The following UBE2D3 variants were observed in gnomAD, a reference collection of about 807,000 sequenced individuals.
UBE2D3 encodes the protein ubiquitin conjugating enzyme E2 D3.
A neutral mutation model predicts 22.8 loss-of-function variants in UBE2D3; 2 were observed. The observed-to-expected ratio is 0.09, with a 90% CI of 0.04 to 0.28. The LOEUF is 0.28. UBE2D3 is among the 10% of genes least tolerant of loss of function. UBE2D3 has a pLI of 1.00. For synonymous variants in UBE2D3, 56 were observed against 60.4 expected, an observed-to-expected ratio of 0.93 and a Z score of 0.34; for missense variants, 27 against 182.5, an observed-to-expected ratio of 0.15 and a Z score of 4.91.
chr4:102,820,439 T>A (rs223400), intron 2 of UBE2D3, among the ~76,000 whole-genome samples: 88,574 of 152,016 alleles, frequency 0.58, 27,341 homozygotes, highest in African/African-American at 0.8. Context: ...TATCTTAAGG[T>A]TTAACAGTAG....
At chr4:102,838,146 C>T (rs1171455557) in intron 1 of UBE2D3, among the ~76,000 whole-genome samples, 3 of 152,068 alleles carry the variant, frequency 2.0e-5, no homozygotes, top group Non-Finnish European at 2.9e-5. Context: ...TTGTTTTAGA[C>T]ATAATGCTAT....
rs546208831 is a variant in UBE2D3, at chr4:102,847,999, A to G, written c.-129+20716T>C. Among the ~76,000 whole-genome samples, 10 of 152,290 alleles carry G rather than the reference A, an allele frequency of 6.6e-5. No homozygotes were observed. The South Asian group carries it at 8.3e-4, about 13-fold the overall frequency. ...AACGCTAAGCATGTGGGAATTATTT[A>G]TAGCCTACTGCTCAAGGTCATCGCC... is the stretch of plus-strand genomic sequence containing the variant. On this transcript the variant is annotated intron_variant, in intron 1 of 7. Transcript: ENST00000338145.
rs182142089 is a variant in UBE2D3 at position 102,798,174 on chromosome 4, C to T, written c.399-714G>A. Among the ~76,000 whole-genome samples, 89 of 150,668 alleles carry T rather than the reference C, an allele frequency of 5.9e-4. 1 individual carries two copies. Among genetic ancestry groups the T allele is most frequent in the African/African-American group, 2.2e-3 (89 of 40,886 alleles). ...TTCACACACAAGCAAGGTTATTACT[C>T]AGGAAGACTACTAACATTGATAAAT... On this transcript the variant is annotated intron_variant, in intron 7 of 7. Coordinates refer to ENST00000453744, the MANE Select transcript of UBE2D3 (RefSeq NM_181891.3).
At chr4:102,837,626 A>T (rs1731481133) in intron 1 of UBE2D3, among the ~76,000 whole-genome samples, 1 of 151,312 alleles carries the variant, frequency 6.6e-6, no homozygotes, top group South Asian at 2.1e-4. Context: ...AGTTTGAGAC[A>T]AGCTTAGGCA....
At chr4:102,853,135 A>ACCTT (rs752835398) in intron 1 of UBE2D3, among the ~76,000 whole-genome samples, 1 of 88,598 alleles carries the variant, frequency 1.1e-5, no homozygotes, top group Non-Finnish European at 2.1e-5. Context: ...AAACACACAC[A>ACCTT]TTTTTTTTTT....
intron 4 of UBE2D3, among the ~76,000 whole-genome samples, chr4:102,806,845 C>CA (rs1355212245): frequency 6.6e-6 from 1 of 151,938 alleles, no homozygotes; most frequent in Non-Finnish European, 1.5e-5. Context: ...CCCCCCTCCC[C>CA]AAAAAAACCC....
At chr4:102,803,443 G>A (rs1726519959) in intron 4 of UBE2D3, among the ~76,000 whole-genome samples, 1 of 152,134 alleles carries the variant, frequency 6.6e-6, no homozygotes, top group Non-Finnish European at 1.5e-5. Context: ...AGCTATATAT[G>A]AGCCTTTCAC....
intron 7 of UBE2D3, 119 bp from the exon 8 acceptor site, chr4:102,797,579 TATG>T: frequency 1.4e-6 from 1 of 691,470 alleles, no homozygotes; most frequent in East Asian, 3.1e-5. Context: ...CTCTAATGAC[TATG>T]ATTAGAATAA....
chr4:102,849,943 A>AT (rs1161704153), intron 1 of UBE2D3, among the ~76,000 whole-genome samples: 1 of 152,210 alleles, frequency 6.6e-6, no homozygotes, highest in African/African-American at 2.4e-5. Flanking sequence ...AATCCTAAGT[A>AT]TATACTCAAC....
chr4:102,799,838 G>GC (rs1491465122), intron 6 of UBE2D3, among the ~76,000 whole-genome samples: 3 of 145,192 alleles, frequency 2.1e-5, no homozygotes, highest in African/African-American at 5.1e-5. Flanking sequence ...TGGCTGGGGG[G>GC]GGGGGGACTT....
chr4:102,831,745 G>A (rs1232867803), upstream of UBE2D3, among the ~76,000 whole-genome samples: 1 of 152,106 alleles, frequency 6.6e-6, no homozygotes, highest in African/African-American at 2.4e-5. Flanking sequence ...TACAAACACA[G>A]GTTAAAAAAA....
intron 1 of UBE2D3, among the ~76,000 whole-genome samples, chr4:102,859,163 G>A (rs888859760): frequency 1.3e-5 from 2 of 151,882 alleles, no homozygotes; most frequent in African/African-American, 4.8e-5. Flanking sequence ...TTTTCTGAAT[G>A]ACAGCTTTGT....
At chr4:102,824,706 T>C (rs1730185978) in intron 2 of UBE2D3, among the ~76,000 whole-genome samples, 1 of 152,248 alleles carries the variant, frequency 6.6e-6, no homozygotes, top group African/African-American at 2.4e-5. Flanking sequence ...CTTTAACGTG[T>C]TCTGTTCCAC....
intron 1 of UBE2D3, among the ~76,000 whole-genome samples, chr4:102,844,987 A>C (rs944452380): frequency 6.9e-6 from 1 of 144,746 alleles, no homozygotes; most frequent in Admixed American, 7.2e-5. Flanking sequence ...GCGCCACTGC[A>C]CTCCAGCCTG....
At chr4:102,841,603 A>G (rs1166781048) in intron 1 of UBE2D3, among the ~76,000 whole-genome samples, 2 of 152,216 alleles carry the variant, frequency 1.3e-5, no homozygotes, top group Admixed American at 6.5e-5. Context: ...ATACATTTTA[A>G]AAGATTTTCA....
At chr4:102,808,526 TTA>T (rs1396208874) in intron 4 of UBE2D3, among the ~76,000 whole-genome samples, 1 of 152,180 alleles carries the variant, frequency 6.6e-6, no homozygotes, top group Non-Finnish European at 1.5e-5. Context: ...TTACTTTGAT[TTA>T]GTTTTTCTAC....
At chr4:102,805,533 C>CTGGA (rs1172183164) in intron 4 of UBE2D3, among the ~76,000 whole-genome samples, 8 of 150,262 alleles carry the variant, frequency 5.3e-5, no homozygotes, top group Admixed American at 3.3e-4. Context: ...GTCGCCCAGG[C>CTGGA]TGGAGTGCAG....
Position 102,826,420 on chromosome 4 carries a change from G to A in UBE2D3, c.24+65C>T. The stretch of plus-strand genomic sequence containing the variant: ...AATTATGCTTCCTTCCCACCCCCAC[G>A]CTTTCCTCTTGGCCCGAGCCTTCCT... On this transcript the variant is annotated intron_variant, in intron 2 of 7. Coordinates refer to ENST00000453744, the MANE Select transcript of UBE2D3 (RefSeq NM_181891.3). 6 of 1,594,498 alleles carry A rather than the reference G, an allele frequency of 3.8e-6. No homozygotes were observed. The Admixed American group carries it at 5.1e-5, about 14-fold the overall frequency.
chr4:102,817,354 C>T (rs1448536131), intron 2 of UBE2D3, among the ~76,000 whole-genome samples: 2 of 152,162 alleles, frequency 1.3e-5, no homozygotes, highest in Admixed American at 6.5e-5. Flanking sequence ...TACTAGCAGT[C>T]GTACACCACA....
Sources: allele counts gnomAD v4.1 joint callset (sites outside exome capture counted in the v4.1 genomes callset), GRCh38; gene constraint gnomAD v4.1.1; transcripts MANE v1.5; gene names NCBI Gene and HGNC (gene_info 2026-07-23, HGNC 2026-07-21).